Variants in HDAC8 observed in about 807,000 individuals in gnomAD.
The protein encoded by HDAC8 is histone deacetylase 8.
In HDAC8, 1 loss-of-function variant was observed where a neutral mutation model predicts 32.2. That is an observed-to-expected ratio of 0.03 (90% CI 0.01 to 0.15). The LOEUF is 0.15. Among genes scored for constraint, HDAC8 ranks in the 10% least tolerant of loss-of-function variants. The pLI, the probability that HDAC8 is intolerant of heterozygous loss-of-function variation, is 1.00. For missense variants in HDAC8, 117 were observed against 300.0 expected, an observed-to-expected ratio of 0.39 and a Z score of 4.51; for synonymous variants, 108 against 113.9, an observed-to-expected ratio of 0.95 and a Z score of 0.33.
intron 4 of HDAC8, among the ~76,000 whole-genome samples, chrX:72,530,228 G>C (rs145605844): frequency 2.7e-5 from 3 of 111,767 alleles, no homozygotes; most frequent in African/African-American, 6.5e-5. Context: ...GCAGTTTACT[G>C]TCTGCCTACC....
intron 7 of HDAC8, chrX:72,467,648 A>G: frequency 4.6e-6 from 1 of 216,417 alleles, no homozygotes; most frequent in Non-Finnish European, 8.1e-6. Flanking sequence ...TGTCTCAAAC[A>G]TTGTGTGGGT....
intron 9 of HDAC8, among the ~76,000 whole-genome samples, chrX:72,395,708 A>G (rs3012650): frequency 0.026 from 2,913 of 112,330 alleles, 86 homozygotes; most frequent in African/African-American, 0.089. Flanking sequence ...AGTCTGGAGG[A>G]GGAAGGACAG....
chrX:72,414,165 C>A (rs1602734389), intron 9 of HDAC8, among the ~76,000 whole-genome samples: 1 of 112,435 alleles, frequency 8.9e-6, no homozygotes, highest in Non-Finnish European at 1.9e-5. Context: ...TACATTTGTT[C>A]AGTGCTTTTA....
intron 9 of HDAC8, among the ~76,000 whole-genome samples, chrX:72,398,700 G>A (rs1018520808): frequency 3.6e-5 from 4 of 109,713 alleles, no homozygotes; most frequent in Non-Finnish European, 7.6e-5. Flanking sequence ...AGTTATATGA[G>A]TACTAAAGAT....
At chrX:72,444,323 A>G (rs2047296645) in intron 9 of HDAC8, among the ~76,000 whole-genome samples, 1 of 110,101 alleles carries the variant, frequency 9.1e-6, no homozygotes, top group Non-Finnish European at 1.9e-5. Flanking sequence ...CAGCACATCA[A>G]AAAGCTTATC....
chrX:72,453,168 C>T (rs540065299), intron 9 of HDAC8, among the ~76,000 whole-genome samples: 64 of 108,770 alleles, frequency 5.9e-4, no homozygotes, highest in African/African-American at 2.0e-3. Flanking sequence ...AAAAATAGGC[C>T]GGGCATGGTG....
At chrX:72,343,325 A>G (rs1555945729) in intron 10 of HDAC8, among the ~76,000 whole-genome samples, 1 of 109,934 alleles carries the variant, frequency 9.1e-6, no homozygotes, top group African/African-American at 3.3e-5. Context: ...ATATGTCATC[A>G]CACCCAGCTC....
chrX:72,525,622 G>C (rs1222705847), intron 4 of HDAC8, among the ~76,000 whole-genome samples: 1 of 108,891 alleles, frequency 9.2e-6, no homozygotes, highest in Non-Finnish European at 1.9e-5. Context: ...GACCATCCTG[G>C]CTAAAACGGT....
rs782399003 is a variant in HDAC8 at position 72,557,961 on chromosome X, G to A, written c.437+9928C>T. On this transcript the variant is annotated intron_variant, in intron 4 of 10. Coordinates refer to ENST00000373573, the MANE Select transcript of HDAC8 (RefSeq NM_018486.3). The stretch of plus-strand genomic sequence containing the variant: ...ATTCAATGCTACTAAGAACACTTAC[G>A]TGCACAAACTAGAAAACCTAAAGGA... Among the ~76,000 whole-genome samples, 10 of 111,519 alleles carry A rather than the reference G, an allele frequency of 9.0e-5. No homozygotes were observed. The East Asian group carries it at 1.7e-3, about 19-fold the overall frequency.
intron 9 of HDAC8, among the ~76,000 whole-genome samples, chrX:72,381,137 T>G (rs2045256962): frequency 8.9e-6 from 1 of 112,215 alleles, no homozygotes; most frequent in South Asian, 3.7e-4. Context: ...TGAATCAGAA[T>G]TTGCATTTAA....
At position 72,472,793 on chromosome X, in the gene HDAC8, T is replaced by C. The variant is rs1180781305; in HGVS notation, c.738-8062A>G. Among the ~76,000 whole-genome samples, 6 of 111,591 alleles carry C rather than the reference T, an allele frequency of 5.4e-5. No individual in the cohort carries two copies. In the East Asian group the frequency reaches 1.7e-3, roughly 32 times the overall value. ...TCCCTGACTCTGTTAATGATATCCA[T>C]CTTTTCAGTCACCCATGTTCAAAAC... On this transcript the variant is annotated intron_variant, in intron 7 of 10. Coordinates refer to ENST00000373573, the MANE Select transcript of HDAC8 (RefSeq NM_018486.3).
intron 4 of HDAC8, among the ~76,000 whole-genome samples, chrX:72,557,267 A>T (rs2051316623): frequency 8.9e-6 from 1 of 112,087 alleles, no homozygotes; most frequent in Non-Finnish European, 1.9e-5. Context: ...TCATCAGCAC[A>T]TGGAACATTC....
chrX:72,443,040 T>A (rs2047214672), intron 9 of HDAC8, among the ~76,000 whole-genome samples: 1 of 107,438 alleles, frequency 9.3e-6, no homozygotes, highest in Admixed American at 1.0e-4. Flanking sequence ...ATAAAGCAAG[T>A]CCTGAGTGAC....
intron 9 of HDAC8, among the ~76,000 whole-genome samples, chrX:72,427,541 G>A (rs1334917605): frequency 2.1e-5 from 2 of 95,550 alleles, no homozygotes; most frequent in African/African-American, 3.9e-5. Context: ...GGTGGGAACC[G>A]AACAGTGAGA....
chrX:72,427,482 C>A (rs1474908234), intron 9 of HDAC8, among the ~76,000 whole-genome samples: 2 of 108,175 alleles, frequency 1.8e-5, no homozygotes, highest in African/African-American at 6.8e-5. Flanking sequence ...TCATTCTCAG[C>A]AAACTATCTC....
chrX:72,521,149 G>C (rs1372446950), intron 4 of HDAC8, among the ~76,000 whole-genome samples: 1 of 111,390 alleles, frequency 9.0e-6, no homozygotes, highest in Non-Finnish European at 1.9e-5. Context: ...CTGCTCAAAG[G>C]TTTTAGCATC....
intron 7 of HDAC8, among the ~76,000 whole-genome samples, chrX:72,480,904 G>T (rs1254946498): frequency 9.1e-6 from 1 of 110,099 alleles, no homozygotes; most frequent in African/African-American, 3.3e-5. Flanking sequence ...GGCTTGTCAG[G>T]GGGTGGGGAG....
intron 4 of HDAC8, among the ~76,000 whole-genome samples, chrX:72,551,049 TA>T (rs1556069527): frequency 1.9e-5 from 2 of 106,451 alleles, no homozygotes; most frequent in African/African-American, 6.9e-5. Flanking sequence ...ACAAATCTTA[TA>T]AAAAGATGCT....
At chrX:72,553,261 G>C (rs2051150470) in intron 4 of HDAC8, among the ~76,000 whole-genome samples, 1 of 111,412 alleles carries the variant, frequency 9.0e-6, no homozygotes, top group African/African-American at 3.3e-5. Context: ...GGCCAGGACA[G>C]TCTCGATCTC....
Sources: gnomAD v4.1 joint callset for allele counts (sites outside exome capture counted in the v4.1 genomes callset) on GRCh38, gnomAD v4.1.1 for gene constraint, MANE v1.5 for transcripts, NCBI Gene and HGNC (gene_info 2026-07-23, HGNC 2026-07-21) for gene names.